Variants in KCNA2 observed in about 807,000 individuals in gnomAD.
The protein encoded by KCNA2 is potassium channel, voltage gated shaker related subfamily A, member 2.
A neutral mutation model predicts 33.4 loss-of-function variants in KCNA2; 11 were observed. The observed-to-expected ratio is 0.33, with a 90% confidence interval of 0.21 to 0.55. KCNA2 has a LOEUF of 0.55. KCNA2 is among the 20% of genes least tolerant of loss of function. KCNA2 has a pLI of 0.93. For synonymous variants in KCNA2, 222 were observed against 231.3 expected (o/e 0.96, Z 0.37); for missense variants, 291 against 621.6 (o/e 0.47, Z 5.66).
Position 110,599,445 on chromosome 1 carries a change from G to A in KCNA2, c.*3838C>T, listed in dbSNP as rs1649241770. 1.0e-6 allele frequency: 1 copy of A among 985,366 alleles called. No homozygotes were observed. Among genetic ancestry groups the A allele is most frequent in the Non-Finnish European group, 1.2e-6 (1 of 829,910 alleles). 61.0% of individuals were successfully genotyped at this position (985,366 alleles called of 1,614,324 possible). On this transcript the variant is annotated 3_prime_UTR_variant, in exon 3 of 3. Coordinates refer to ENST00000316361, the MANE Select transcript of KCNA2 (RefSeq NM_004974.4). ...TTGCATAGCAATTGGATGGGAGGCA[G>A]GGCATCCAGGGGAGCCCAACAAGAG...
rs1553180064 is a variant in KCNA2 at position 110,594,293 on chromosome 1, C to CTATATATATATATACATA, written c.*8972_*8989dup. 1 of 765,502 alleles carries CTATATATATATATACATA rather than the reference C, an allele frequency of 1.3e-6. No homozygotes were observed. The highest frequency in any genetic ancestry group is 2.0e-5 in the African/African-American group (1 of 49,410). 47.4% of individuals were successfully genotyped at this position (765,502 alleles called of 1,614,324 possible). A position where few individuals can be genotyped will look rare whatever the true frequency, so the allele number is the denominator to read the frequency against. Reference sequence around the variant, plus strand: ...GGCCATTTCCTCTCTCTCTCTCTCTCTATATATATATATACATATATATAT... The same window carrying CTATATATATATATACATA: ...GGCCATTTCCTCTCTCTCTCTCTCTCTATATATATATATACATATATATATATATATACATATATATAT... On this transcript the variant is annotated 3_prime_UTR_variant, in exon 3 of 3. Transcript: ENST00000316361.
Position 110,597,158 on chromosome 1 carries a change from G to A in KCNA2, c.*6125C>T. 1 of 985,400 alleles carries A rather than the reference G, an allele frequency of 1.0e-6. No homozygotes were observed. Among genetic ancestry groups the A allele is most frequent in the South Asian group, 4.7e-5 (1 of 21,286 alleles). The allele number at this position is 985,400 out of a possible 1,614,324, so 61.0% of individuals were successfully genotyped here. On this transcript the variant is annotated 3_prime_UTR_variant, in exon 3 of 3. Transcript: ENST00000316361. ...GCTTATTTTGAAAGAGAGTCAGAGGGCAATTCCCAAATCTGCCCAGGCTAC... is the reference window on the plus strand; with the variant it reads ...GCTTATTTTGAAAGAGAGTCAGAGGACAATTCCCAAATCTGCCCAGGCTAC...
Position 110,601,311 on chromosome 1 carries a change from G to T in KCNA2, c.*1972C>A, listed in dbSNP as rs1481055078. On this transcript the variant is annotated 3_prime_UTR_variant, in exon 3 of 3. Transcript: ENST00000316361. ...GGCTCCCTTTAGGTCCAGATCAGTG[G>T]AATTTGGTCCCAGGGAGTCCTACTC... 3 of 985,302 alleles carry T rather than the reference G, an allele frequency of 3.0e-6. No homozygotes were observed. Among genetic ancestry groups the T allele is most frequent in the Non-Finnish European group, 3.6e-6 (3 of 829,936 alleles). The allele number at this position is 985,302 out of a possible 1,614,324, so 61.0% of individuals were successfully genotyped here.
chr1:110,613,766 AG>A, intron 1 of KCNA2, among the ~76,000 whole-genome samples: 1 of 152,262 alleles, frequency 6.6e-6, no homozygotes, highest in Non-Finnish European at 1.5e-5. Flanking sequence ...CATCTTGTTC[AG>A]GGTCACCCAG....
rs1242430956 is a variant in KCNA2 at position 110,594,329 on chromosome 1, G to GTA, written c.*8952_*8953dup. On this transcript the variant is annotated 3_prime_UTR_variant, in exon 3 of 3. Coordinates refer to ENST00000316361, the MANE Select transcript of KCNA2 (RefSeq NM_004974.4). ...TATACATATATATATATATGTGTGT[G>GTA]TATATATATATACACACACATCACA... 14 of 878,222 alleles carry GTA rather than the reference G, an allele frequency of 1.6e-5. No individual in the cohort carries two copies. The Admixed American group carries it at 2.0e-4, about 13-fold the overall frequency. The allele number at this position is 878,222 out of a possible 1,614,324, so 54.4% of individuals were successfully genotyped here. A position where few individuals can be genotyped will look rare whatever the true frequency, so the allele number is the denominator to read the frequency against.
chr1:110,602,270 TC>T lies in KCNA2; in HGVS notation c.*1012del. On this transcript the variant is annotated 3_prime_UTR_variant, in exon 3 of 3. Coordinates refer to ENST00000316361, the MANE Select transcript of KCNA2 (RefSeq NM_004974.4). ...TCCCCTGATGGAGGGATTTTTGCCT[TC>T]TGATGGGAAAAAAACCCCTAGTTCA... 1 of 1,510,734 alleles carries T rather than the reference TC, an allele frequency of 6.6e-7. No homozygotes were observed. The highest frequency in any genetic ancestry group is 8.8e-7 in the Non-Finnish European group (1 of 1,131,316). 93.6% of individuals were successfully genotyped at this position (1,510,734 alleles called of 1,614,324 possible). A position where few individuals can be genotyped will look rare whatever the true frequency, so the allele number is the denominator to read the frequency against.
chr1:110,597,545 A>C lies in KCNA2; in HGVS notation c.*5738T>G, dbSNP rs1649148533. On this transcript the variant is annotated 3_prime_UTR_variant, in exon 3 of 3. Transcript: ENST00000316361. ...GCACACAGGAAGGAGACAAAGTGACAAAGCCCTCTCACAGGCCTTCCTTGT... is the reference window on the plus strand; with the variant it reads ...GCACACAGGAAGGAGACAAAGTGACCAAGCCCTCTCACAGGCCTTCCTTGT... The C allele has an allele frequency of 2.0e-6, 2 of 985,428 alleles. No individual in the cohort carries two copies. Among genetic ancestry groups the C allele is most frequent in the South Asian group, 9.4e-5 (2 of 21,278 alleles). The allele number at this position is 985,428 out of a possible 1,614,324, so 61.0% of individuals were successfully genotyped here. A position where few individuals can be genotyped will look rare whatever the true frequency, so the allele number is the denominator to read the frequency against.
In KCNA2 at chr1:110,594,770, G is replaced by C; in HGVS notation, c.*8513C>G. 2.0e-6 allele frequency: 2 copies of C among 985,528 alleles called. No homozygotes were observed. The highest frequency in any genetic ancestry group is 2.4e-6 in the Non-Finnish European group (2 of 829,998). 61.0% of individuals were successfully genotyped at this position (985,528 alleles called of 1,614,324 possible). ...GGAGCTGAGACTCACCCCCGCCAAA[G>C]CCAGCCAGGCCTCTCTTCTTGCTTT... On this transcript the variant is annotated 3_prime_UTR_variant, in exon 3 of 3. Transcript: ENST00000316361.
Position 110,600,132 on chromosome 1 carries a change from T to C in KCNA2, c.*3151A>G. 1 of 984,670 alleles carries C rather than the reference T, an allele frequency of 1.0e-6. No individual in the cohort carries two copies. The highest frequency in any genetic ancestry group is 1.2e-6 in the Non-Finnish European group (1 of 829,814). 61.0% of individuals were successfully genotyped at this position (984,670 alleles called of 1,614,324 possible). On this transcript the variant is annotated 3_prime_UTR_variant, in exon 3 of 3. Transcript: ENST00000316361. ...CAGGCAAAGGTGATTACATCTGATC[T>C]TTTGTTTGTGCCTGTTAATTCATAG...
At chr1:110,617,758 G>C (rs1451394707) in intron 1 of KCNA2, among the ~76,000 whole-genome samples, 2 of 152,148 alleles carry the variant, frequency 1.3e-5, no homozygotes, top group Admixed American at 1.3e-4. Flanking sequence ...GCCGCCACAG[G>C]GCTTCAGAGA....
In KCNA2 at chr1:110,602,131, T is replaced by C; in HGVS notation, c.*1152A>G. On this transcript the variant is annotated 3_prime_UTR_variant, in exon 3 of 3. Transcript: ENST00000316361. ...TCATGTGAGGTGTTCAGATGCTGCC[T>C]TCCCCGCTTACTCTTCTGGCTTTGC... 5 of 1,550,568 alleles carry C rather than the reference T, an allele frequency of 3.2e-6. No homozygotes were observed. The highest frequency in any genetic ancestry group is 4.4e-6 in the Non-Finnish European group (5 of 1,146,992).
upstream of KCNA2, among the ~76,000 whole-genome samples, chr1:110,610,026 T>G (rs1221361294): frequency 6.6e-6 from 1 of 152,230 alleles, no homozygotes; most frequent in Non-Finnish European, 1.5e-5. Flanking sequence ...TTTCCAGTTC[T>G]ATGGTGGGCT....
chr1:110,614,672 G>A (rs1649992490), intron 1 of KCNA2, among the ~76,000 whole-genome samples: 1 of 152,186 alleles, frequency 6.6e-6, no homozygotes, highest in Non-Finnish European at 1.5e-5. Context: ...CTTATTCTAT[G>A]ATTCGTTCTT....
At position 110,603,688 on chromosome 1, in the gene KCNA2, G is replaced by C; in HGVS notation, c.1095C>G (p.Phe365Leu). ...TTGTCATGGAGACGACTGCCCACCAGAAGGCATCTGGGATGCTGGGGAACT... is the reference window on the plus strand; with the variant it reads ...TTGTCATGGAGACGACTGCCCACCACAAGGCATCTGGGATGCTGGGGAACT... ...ESQFPSIPDA[F>L]WWAVVSMTTV... The change falls in exon 3 of 3, where the codon TTC (phenylalanine) becomes TTG (leucine). Residue 365 changes from phenylalanine (F) to leucine (L), a missense_variant. Physicochemically the swap from Phe to Leu is conservative, Grantham distance 22 (BLOSUM62 0). This residue lies in a region of KCNA2 where 9 missense variants were observed against 77.4 expected (regional missense o/e 0.12). Coordinates refer to ENST00000316361, the MANE Select transcript of KCNA2 (RefSeq NM_004974.4). This position sits in a 1 kb window ranked among gnomAD's most constrained non-coding sequence, Gnocchi z 5.7. 6.2e-7 allele frequency: 1 copy of C among 1,614,102 alleles called. No individual in the cohort carries two copies. The highest frequency in any genetic ancestry group is 8.5e-7 in the Non-Finnish European group (1 of 1,180,016).
rs546618654 is a variant in KCNA2 at position 110,612,555 on chromosome 1, C to T, written c.-495-6833G>A. On this transcript the variant is annotated intron_variant, in intron 1 of 4. Transcript: ENST00000369770. ...TCTGATTCCCTCTCCCTCCCCACGC[C>T]GCCCTGGTTCAAGCCACCAGCAGGC... Among the ~76,000 whole-genome samples, 173 of 152,252 alleles carry T rather than the reference C, an allele frequency of 1.1e-3. 1 individual carries two copies. Among genetic ancestry groups the T allele is most frequent in the Middle Eastern group, 6.8e-3 (2 of 294 alleles).
At position 110,601,792 on chromosome 1, in the gene KCNA2, ATATGTG is replaced by A. The variant is rs1400312833; in HGVS notation, c.*1485_*1490del. 2.1e-3 allele frequency: 2,375 copies of A among 1,107,570 alleles called. 17 individuals are homozygous for A. In the African/African-American group the frequency reaches 0.036, roughly 17 times the overall value. 68.6% of individuals were successfully genotyped at this position (1,107,570 alleles called of 1,614,324 possible). On this transcript the variant is annotated 3_prime_UTR_variant, in exon 3 of 3. Coordinates refer to ENST00000316361, the MANE Select transcript of KCNA2 (RefSeq NM_004974.4). ...CCAGAAAATGAATATATATATATAT[ATATGTG>A]TGTGTGTGTGTGTGTGTGTGTGTGT...
intron 1 of KCNA2, among the ~76,000 whole-genome samples, chr1:110,619,419 G>A (rs1650174821): frequency 1.3e-5 from 2 of 152,356 alleles, no homozygotes; most frequent in South Asian, 4.1e-4. Flanking sequence ...CCACTCCCAA[G>A]GGTATGGCTG....
In KCNA2 at chr1:110,595,280, G is replaced by A. The variant is rs1005361857; in HGVS notation, c.*8003C>T. ...TCTGGAACATATTAGACTATTTTAG[G>A]AGTGCAGAGGAGCACAGAAAGTTAT... is the stretch of plus-strand genomic sequence containing the variant. On this transcript the variant is annotated 3_prime_UTR_variant, in exon 3 of 3. Coordinates refer to ENST00000316361, the MANE Select transcript of KCNA2 (RefSeq NM_004974.4). 2.0e-6 allele frequency: 2 copies of A among 985,308 alleles called. No homozygotes were observed. The highest frequency in any genetic ancestry group is 1.7e-5 in the African/African-American group (1 of 57,216). 61.0% of individuals were successfully genotyped at this position (985,308 alleles called of 1,614,324 possible). A position where few individuals can be genotyped will look rare whatever the true frequency, so the allele number is the denominator to read the frequency against.
In KCNA2 at chr1:110,616,931, T is replaced by A. The variant is rs142588741; in HGVS notation, c.-495-11209A>T. ...CCAAGGCAGAATGAATTGGCTTAAA[T>A]TGAAGAATAAAGTACAAAAGCACCT... On this transcript the variant is annotated intron_variant, in intron 1 of 4. Transcript: ENST00000369770. 2.3e-3 allele frequency among the ~76,000 whole-genome samples: 355 copies of A among 152,326 alleles called. 4 individuals are homozygous for A. The highest frequency in any genetic ancestry group is 8.4e-3 in the African/African-American group (350 of 41,572).
Sources: allele counts gnomAD v4.1 joint callset (sites outside exome capture counted in the v4.1 genomes callset), GRCh38; gene constraint gnomAD v4.1.1; regional missense constraint gnomAD v4.1.1; non-coding constraint Gnocchi (gnomAD v3.1); transcripts MANE v1.5; gene names NCBI Gene and HGNC (gene_info 2026-07-23, HGNC 2026-07-21).